CFAP54: variants seen among roughly 807,000 people sequenced by gnomAD.
The protein encoded by CFAP54 is cilia and flagella associated protein 54.
CFAP54 carries 290 observed loss-of-function variants against 370.4 expected under a neutral mutation model. The observed-to-expected ratio is 0.78, with a 90% CI of 0.71 to 0.86. The LOEUF is 0.86. Ranked by LOEUF, CFAP54 falls within the 40% of genes least tolerant of loss-of-function variation. CFAP54 has a pLI of 0.00. For synonymous variants in CFAP54, 1,206 were observed against 1,236.5 expected, an observed-to-expected ratio of 0.98 and a Z score of 0.52; for missense variants, 3,399 against 3,528.7, an observed-to-expected ratio of 0.96 and a Z score of 0.93.
chr12:96,578,323 T>C lies in CFAP54; in HGVS notation c.2796+1562T>C, dbSNP rs572551252. 3.1e-3 allele frequency among the ~76,000 whole-genome samples: 474 copies of C among 152,290 alleles called. 3 individuals are homozygous for C. The highest frequency in any genetic ancestry group is 0.01 in the African/African-American group (433 of 41,574). On this transcript the variant is annotated intron_variant, in intron 20 of 67. Transcript: ENST00000524981. Reference sequence around the variant, plus strand: ...TGAGAGGAGGGGAATAGAAGTGACATTCATCTTATACCTAACTGTGCTATG... The same window carrying C: ...TGAGAGGAGGGGAATAGAAGTGACACTCATCTTATACCTAACTGTGCTATG...
At chr12:96,724,698 T>C (rs1038196956) in intron 50 of CFAP54, among the ~76,000 whole-genome samples, 2 of 152,222 alleles carry the variant, frequency 1.3e-5, no homozygotes, top group African/African-American at 4.8e-5. Flanking sequence ...CATTTGTCAA[T>C]TTTGGCTTTT....
chr12:96,843,564 G>A (rs1049382608), intron 66 of CFAP54, among the ~76,000 whole-genome samples: 9 of 152,100 alleles, frequency 5.9e-5, no homozygotes, highest in African/African-American at 2.2e-4. Flanking sequence ...GGCAATAAAG[G>A]GTTGTTTCTT....
At chr12:96,649,586 A>G (rs1592907348) in intron 34 of CFAP54, among the ~76,000 whole-genome samples, 1 of 152,154 alleles carries the variant, frequency 6.6e-6, no homozygotes, top group South Asian at 2.1e-4. Flanking sequence ...AGTATTTTCT[A>G]TTTTTCCTTT....
At chr12:96,638,155 A>G (rs9888369) in intron 32 of CFAP54, among the ~76,000 whole-genome samples, 6 of 149,722 alleles carry the variant, frequency 4.0e-5, no homozygotes, top group African/African-American at 1.5e-4. Context: ...ATAAACATTT[A>G]AGTTTTCTTC....
At chr12:96,735,803 G>A (rs1207425319) in intron 50 of CFAP54, among the ~76,000 whole-genome samples, 1 of 152,118 alleles carries the variant, frequency 6.6e-6, no homozygotes, top group African/African-American at 2.4e-5. Flanking sequence ...GAGAAATTAT[G>A]TTTTTAAGAT....
At chr12:96,850,861 C>T (rs965000948) in intron 66 of CFAP54, among the ~76,000 whole-genome samples, 2 of 152,132 alleles carry the variant, frequency 1.3e-5, no homozygotes, top group Non-Finnish European at 2.9e-5. Flanking sequence ...TGAGAACTCC[C>T]TCGCTATCAG....
intron 38 of CFAP54, among the ~76,000 whole-genome samples, chr12:96,661,476 G>T (rs1476578878): frequency 6.6e-6 from 1 of 152,106 alleles, no homozygotes; most frequent in Non-Finnish European, 1.5e-5. Flanking sequence ...AATCCATAGG[G>T]CAGGCAGTCA....
intron 67 of CFAP54, among the ~76,000 whole-genome samples, chr12:96,869,883 C>T (rs1368695070): frequency 9.3e-5 from 13 of 140,406 alleles, no homozygotes; most frequent in African/African-American, 3.2e-4. Flanking sequence ...TGCAGAGAGC[C>T]GAGATTGGGC....
At chr12:96,615,825 A>C (rs566943473) in intron 26 of CFAP54, among the ~76,000 whole-genome samples, 32 of 152,348 alleles carry the variant, frequency 2.1e-4, no homozygotes, top group African/African-American at 7.5e-4. Context: ...ACCATCTCAC[A>C]CCAGTTAGAA....
intron 66 of CFAP54, among the ~76,000 whole-genome samples, chr12:96,850,952 T>A (rs745729799): frequency 5.9e-5 from 9 of 152,142 alleles, no homozygotes; most frequent in Non-Finnish European, 1.0e-4. Context: ...TGATTACAAT[T>A]TGAGATGAGA....
rs547937647 is a variant in CFAP54, at chr12:96,688,910, A to T, written c.6015-6A>T. ...TAATCAATTTTTTTTTCTTATACTT[A>T]CTTAGATTTATTAAGTCATTGAATG... On this transcript the variant is annotated splice_polypyrimidine_tract_variant and splice_region_variant and intron_variant, in intron 42 of 67. Transcript: ENST00000524981. 4.0e-5 allele frequency: 62 copies of T among 1,542,936 alleles called. No homozygotes were observed. In the South Asian group the frequency reaches 6.6e-4, roughly 16 times the overall value.
At chr12:96,621,902 T>TTTTTTG (rs1956498895) in intron 27 of CFAP54, among the ~76,000 whole-genome samples, 181 bp downstream of exon 27, 1 of 138,544 alleles carries the variant, frequency 7.2e-6, no homozygotes, top group Non-Finnish European at 1.5e-5. Flanking sequence ...TTTTTTTTTT[T>TTTTTTG]TTTTTAGTTA....
intron 2 of CFAP54, chr12:96,501,225 A>G (rs1426060768): frequency 4.1e-6 from 1 of 242,174 alleles, no homozygotes; most frequent in Non-Finnish European, 8.1e-6. Flanking sequence ...GGCACACAAC[A>G]GGAAATGCTG....
chr12:96,813,054 G>A (rs1958942754), intron 64 of CFAP54, among the ~76,000 whole-genome samples: 1 of 152,118 alleles, frequency 6.6e-6, no homozygotes, highest in Admixed American at 6.5e-5. Context: ...AACCAAATCA[G>A]GTAATTCTGC....
chr12:96,577,955 A>G (rs1441773761), intron 20 of CFAP54, among the ~76,000 whole-genome samples: 2 of 151,984 alleles, frequency 1.3e-5, no homozygotes, highest in Admixed American at 6.6e-5. Context: ...CCAGCTACTC[A>G]GGAGGCTGAG....
At chr12:96,536,620 CTTTTTCTTTTTT>C (rs1955506822) in intron 12 of CFAP54, among the ~76,000 whole-genome samples, 1 of 111,498 alleles carries the variant, frequency 9.0e-6, no homozygotes, top group African/African-American at 3.6e-5. Context: ...TTGTCTTTTT[CTTTTTCTTTTTT>C]TTTTTTTTTT....
chr12:96,725,482 G>C (rs1008134225), intron 50 of CFAP54, among the ~76,000 whole-genome samples: 16 of 152,086 alleles, frequency 1.1e-4, no homozygotes, highest in South Asian at 4.2e-4. Context: ...CTGTTTGTCT[G>C]TTATTGGTGT....
rs535183743 is a variant in CFAP54, at chr12:96,573,497, T to C, written c.2620-3088T>C. On this transcript the variant is annotated intron_variant, in intron 19 of 67. Transcript: ENST00000524981. ...CCCTCAGGGAGCCAAAGCTGCTCTGTTGTCTATGGAAGAGGGTGAAGAGGG... is the reference window on the plus strand; with the variant it reads ...CCCTCAGGGAGCCAAAGCTGCTCTGCTGTCTATGGAAGAGGGTGAAGAGGG... 2.6e-5 allele frequency among the ~76,000 whole-genome samples: 4 copies of C among 152,244 alleles called. No homozygotes were observed. In the South Asian group the frequency reaches 8.3e-4, roughly 32 times the overall value.
chr12:96,679,710 C>A lies in CFAP54; in HGVS notation c.5674C>A (p.His1892Asn). 4 of 1,613,474 alleles carry A rather than the reference C, an allele frequency of 2.5e-6. No individual in the cohort carries two copies. The highest frequency in any genetic ancestry group is 3.4e-6 in the Non-Finnish European group (4 of 1,179,678). ...KSKYHNRSIRHSRKLLSLFLA... is the reference protein window; with the variant it reads ...KSKYHNRSIRNSRKLLSLFLA... ...CAAATACCATAACAGATCAATCCGACACAGCAGAAAGTTGCTTTCATTATT... is the reference window on the plus strand; with the variant it reads ...CAAATACCATAACAGATCAATCCGAAACAGCAGAAAGTTGCTTTCATTATT... The change falls in exon 40 of 68, where the codon CAC becomes AAC. Residue 1892 changes from histidine (H) to asparagine (N), a missense_variant. Coordinates refer to ENST00000524981, the MANE Select transcript of CFAP54 (RefSeq NM_001306084.2).
Sources: gnomAD v4.1 joint callset for allele counts (sites outside exome capture counted in the v4.1 genomes callset) on GRCh38, gnomAD v4.1.1 for gene constraint, MANE v1.5 for transcripts, NCBI Gene and HGNC (gene_info 2026-07-23, HGNC 2026-07-21) for gene names.